The following PCBP3 variants were observed in gnomAD, a reference collection of about 807,000 sequenced individuals.
PCBP3 encodes poly(rC) binding protein 3.
PCBP3 carries 25 observed loss-of-function variants against 52.7 expected under a neutral mutation model. The observed-to-expected ratio is 0.47, with a 90% CI of 0.35 to 0.66. The LOEUF (loss-of-function observed/expected upper bound fraction) is 0.66. PCBP3 is among the 30% of genes least tolerant of loss of function. PCBP3 has a pLI of 0.01. For missense variants in PCBP3, 391 were observed against 490.3 expected (o/e 0.80, Z 1.91); for synonymous variants, 162 against 183.0 (o/e 0.89, Z 0.93).
At chr21:45,725,224 C>T (rs1014888055) in intron 2 of PCBP3, among the ~76,000 whole-genome samples, 7 of 152,112 alleles carry the variant, frequency 4.6e-5, no homozygotes, top group African/African-American at 7.2e-5. Context: ...CTGCTGCCTG[C>T]GCTTGGGAAG....
At chr21:45,809,677 G>A (rs1180979333) in intron 4 of PCBP3, among the ~76,000 whole-genome samples, 1 of 152,362 alleles carries the variant, frequency 6.6e-6, no homozygotes, top group African/African-American at 2.4e-5. Flanking sequence ...GCAGATGCCA[G>A]CAGCTGCTAT....
At chr21:45,680,095 A>G (rs576735143) in intron 2 of PCBP3, among the ~76,000 whole-genome samples, 12 of 152,340 alleles carry the variant, frequency 7.9e-5, no homozygotes, top group Middle Eastern at 6.8e-3. Flanking sequence ...TGCCATGTCC[A>G]TCCTTCTGAC....
chr21:45,871,459 C>G (rs1463882611), intron 5 of PCBP3: 1 of 153,532 alleles, frequency 6.5e-6, no homozygotes, highest in African/African-American at 2.4e-5. Context: ...GGAGACACCT[C>G]CTCTCCAGGA....
At chr21:45,664,157 A>T (rs1298927473) in intron 1 of PCBP3, among the ~76,000 whole-genome samples, 3 of 145,416 alleles carry the variant, frequency 2.1e-5, no homozygotes, top group Non-Finnish European at 4.5e-5. Flanking sequence ...AACTGTTTGA[A>T]CTAAAAATAA....
chr21:45,916,299 C>G (rs1363870290), intron 12 of PCBP3: 1 of 152,280 alleles, frequency 6.6e-6, no homozygotes, highest in African/African-American at 2.4e-5. Flanking sequence ...GAACGTGCCT[C>G]TGGCAGCACC....
chr21:45,745,012 G>A (rs1023555276), intron 3 of PCBP3, among the ~76,000 whole-genome samples: 2 of 152,164 alleles, frequency 1.3e-5, no homozygotes, highest in Non-Finnish European at 2.9e-5. Context: ...TGGAAGAGTG[G>A]CACCCACTGT....
At chr21:45,903,919 G>A (rs1482254113) in intron 9 of PCBP3, among the ~76,000 whole-genome samples, 2 of 152,148 alleles carry the variant, frequency 1.3e-5, no homozygotes, top group Non-Finnish European at 2.9e-5. Flanking sequence ...ATTCTGAATC[G>A]CTGCTTTGGC....
intron 5 of PCBP3, chr21:45,872,367 T>C (rs906745539): frequency 6.6e-6 from 1 of 152,198 alleles, no homozygotes; most frequent in Non-Finnish European, 1.5e-5. Context: ...CTCAGTTACC[T>C]CCTGTGACCA....
chr21:45,689,198 C>T (rs2082324970), intron 2 of PCBP3, among the ~76,000 whole-genome samples: 1 of 151,806 alleles, frequency 6.6e-6, no homozygotes, highest in Admixed American at 6.6e-5. Flanking sequence ...TAAAAGATGA[C>T]AAGTATCAGC....
chr21:45,654,480 A>G (rs1555897628), intron 1 of PCBP3, among the ~76,000 whole-genome samples: 1 of 151,624 alleles, frequency 6.6e-6, no homozygotes, highest in Non-Finnish European at 1.5e-5. Flanking sequence ...AGCTGGGACT[A>G]CAGGTGCACG....
chr21:45,763,279 T>C (rs1329646062), intron 4 of PCBP3: 1 of 152,214 alleles, frequency 6.6e-6, no homozygotes, highest in African/African-American at 2.4e-5. Flanking sequence ...GCTTAGAATG[T>C]GTGTAGGATG....
chr21:45,679,008 C>G (rs998089381), intron 2 of PCBP3, among the ~76,000 whole-genome samples: 1 of 152,026 alleles, frequency 6.6e-6, no homozygotes, highest in East Asian at 1.9e-4. Context: ...GATCAGCAGC[C>G]ACCAACATCC....
intron 4 of PCBP3, among the ~76,000 whole-genome samples, chr21:45,786,968 G>A (rs1345283008): frequency 6.6e-6 from 1 of 152,194 alleles, no homozygotes; most frequent in Non-Finnish European, 1.5e-5. Context: ...GATGGAAAGG[G>A]CCCGTGCTGC....
chr21:45,885,770 C>G (rs1343897190), intron 5 of PCBP3, among the ~76,000 whole-genome samples: 2 of 152,186 alleles, frequency 1.3e-5, no homozygotes, highest in Non-Finnish European at 2.9e-5. Context: ...TCTGTTTTCT[C>G]ATTTGTTTAA....
intron 2 of PCBP3, among the ~76,000 whole-genome samples, chr21:45,734,146 G>A (rs1174320529): frequency 1.3e-5 from 2 of 152,210 alleles, no homozygotes; most frequent in African/African-American, 4.8e-5. Flanking sequence ...GCATTGCCTA[G>A]TGTAGTACCC....
Position 45,737,775 on chromosome 21 carries a change from G to A in PCBP3, c.-162+2346G>A, listed in dbSNP as rs532351924. On this transcript the variant is annotated intron_variant, in intron 3 of 17. Coordinates refer to ENST00000681687, the MANE Select transcript of PCBP3 (RefSeq NM_001384156.1). This position sits in a 1 kb window ranked among gnomAD's most constrained non-coding sequence, Gnocchi z 4.9. ...TGGGAATGGAGGTGCCATGAGCACT[G>A]AGCTGGTTGGAACAGAAGGGCTCTC... Among the ~76,000 whole-genome samples, 190 of 152,342 alleles carry A rather than the reference G, an allele frequency of 1.2e-3. No individual in the cohort carries two copies. Among genetic ancestry groups the A allele is most frequent in the African/African-American group, 4.2e-3 (173 of 41,576 alleles).
rs77877191 is a variant in PCBP3 at position 45,791,244 on chromosome 21, C to T, written c.-126+35792C>T. Among the ~76,000 whole-genome samples the T allele has an allele frequency of 6.6e-6, 1 of 152,044 alleles. No individual in the cohort carries two copies. Among genetic ancestry groups the T allele is most frequent in the South Asian group, 2.1e-4 (1 of 4,824 alleles). ...TGCATATTTATATGTTTTTGATGTACGATAAAAGGCAGTTTCATATGGGTC... is the reference window on the plus strand; with the variant it reads ...TGCATATTTATATGTTTTTGATGTATGATAAAAGGCAGTTTCATATGGGTC... On this transcript the variant is annotated intron_variant, in intron 4 of 17. Coordinates refer to ENST00000681687, the MANE Select transcript of PCBP3 (RefSeq NM_001384156.1). The surrounding 1 kb of genome is among the most constrained non-coding windows in gnomAD (Gnocchi z 4.2).
At chr21:45,842,048 G>A (rs771937391) in intron 4 of PCBP3, among the ~76,000 whole-genome samples, 4 of 152,138 alleles carry the variant, frequency 2.6e-5, no homozygotes, top group South Asian at 2.1e-4. Context: ...AAAATACCTC[G>A]TGTTCCAGGC....
rs1274087882 is a variant in PCBP3 at position 45,704,476 on chromosome 21, C to G, written c.-199-30916C>G. Among the ~76,000 whole-genome samples the G allele has an allele frequency of 6.6e-6, 1 of 152,138 alleles. No homozygotes were observed. The highest frequency in any genetic ancestry group is 1.5e-5 in the Non-Finnish European group (1 of 68,020). On this transcript the variant is annotated intron_variant, in intron 2 of 17. Transcript: ENST00000681687. The surrounding 1 kb of genome is among the most constrained non-coding windows in gnomAD (Gnocchi z 4.1). Reference sequence around the variant, plus strand: ...AGACTGGGAGGCCGCAGCGTCTGCCCCCATTTTCCTGCTCTCCCCTGGCAG... The same window carrying G: ...AGACTGGGAGGCCGCAGCGTCTGCCGCCATTTTCCTGCTCTCCCCTGGCAG...
Sources: gnomAD v4.1 joint callset for allele counts (sites outside exome capture counted in the v4.1 genomes callset) on GRCh38, gnomAD v4.1.1 for gene constraint, Gnocchi (gnomAD v3.1) non-coding constraint, MANE v1.5 for transcripts, NCBI Gene and HGNC (gene_info 2026-07-23, HGNC 2026-07-21) for gene names.